Variants in SWT1 observed in about 807,000 individuals in gnomAD.
SWT1 encodes the protein transcriptional protein SWT1.
SWT1 carries 33 observed loss-of-function variants against 107.3 expected under a neutral mutation model. That is an observed-to-expected ratio of 0.31 (90% CI 0.23 to 0.41). The LOEUF (loss-of-function observed/expected upper bound fraction) is 0.41, where lower values mean the gene tolerates loss of function less well. Ranked by LOEUF, SWT1 falls within the 10% of genes least tolerant of loss-of-function variation. The pLI is 1.00. For missense variants in SWT1, 898 were observed against 1,028.9 expected (o/e 0.87, Z 1.74); for synonymous variants, 345 against 348.3 (o/e 0.99, Z 0.11).
chr1:185,276,756 G>T lies in SWT1; in HGVS notation c.2573+88G>T, dbSNP rs1664267146. 5 of 598,760 alleles carry T rather than the reference G, an allele frequency of 8.4e-6. No individual in the cohort carries two copies. The East Asian group carries it at 1.6e-4, about 19-fold the overall frequency. 37.1% of individuals were successfully genotyped at this position (598,760 alleles called of 1,614,324 possible). A position where few individuals can be genotyped will look rare whatever the true frequency, so the allele number is the denominator to read the frequency against. ...TTGGTGGTGGTGGTGGTGGTGATGT[G>T]TTTTTTCATTGTCTTTTCACTACAC... On this transcript the variant is annotated intron_variant, in intron 18 of 18. Coordinates refer to ENST00000367500, the MANE Select transcript of SWT1 (RefSeq NM_017673.7).
At chr1:185,271,466 T>C in intron 17 of SWT1, 77 bp downstream of exon 17, 1 of 743,950 alleles carries the variant, frequency 1.3e-6, no homozygotes, top group East Asian at 2.7e-5. Flanking sequence ...GAGTAGGAGT[T>C]CTCAAACATA....
chr1:185,196,813 T>G (rs940290722), intron 10 of SWT1, among the ~76,000 whole-genome samples: 1 of 152,236 alleles, frequency 6.6e-6, no homozygotes. Flanking sequence ...TAGGAATGCT[T>G]GTGATTTTTG....
At chr1:185,246,022 C>T (rs1661581811) in intron 16 of SWT1, among the ~76,000 whole-genome samples, 1 of 152,104 alleles carries the variant, frequency 6.6e-6, no homozygotes. Context: ...CCCACCTCGG[C>T]CTCCCAAAGT....
intron 16 of SWT1, among the ~76,000 whole-genome samples, chr1:185,244,657 G>A (rs1661478303): frequency 1.3e-5 from 2 of 152,010 alleles, no homozygotes; most frequent in South Asian, 4.2e-4. Context: ...GTACACTTAG[G>A]CTCCACTCAA....
At chr1:185,218,717 G>C (rs557882727) in intron 14 of SWT1, among the ~76,000 whole-genome samples, 1 of 152,148 alleles carries the variant, frequency 6.6e-6, no homozygotes, top group Non-Finnish European at 1.5e-5. Flanking sequence ...TTTTTGCTAA[G>C]ATGATAGAGT....
At chr1:185,287,057 A>C (rs1031487095) in intron 18 of SWT1, among the ~76,000 whole-genome samples, 1 of 152,188 alleles carries the variant, frequency 6.6e-6, no homozygotes, top group African/African-American at 2.4e-5. Context: ...GCAATAGAAA[A>C]TTCAGAAAAA....
rs146055590 is a variant in SWT1 at position 185,173,379 on chromosome 1, T to C, written c.225-993T>C. ...ATCCTTTGTTATTTCTCCCACTGTT[T>C]TTAAGTTTGGGAAGTTCTCTATTAA... On this transcript the variant is annotated intron_variant, in intron 4 of 18. Transcript: ENST00000367500. Among the ~76,000 whole-genome samples the C allele has an allele frequency of 4.6e-3, 704 of 152,032 alleles. 14 individuals are homozygous for C. Among genetic ancestry groups the C allele is most frequent in the Admixed American group, 0.035 (529 of 15,240 alleles).
At chr1:185,267,459 A>G (rs2102716377) in intron 16 of SWT1, among the ~76,000 whole-genome samples, 1 of 152,328 alleles carries the variant, frequency 6.6e-6, no homozygotes, top group South Asian at 2.1e-4. Flanking sequence ...GTTGTTATTG[A>G]TGCTGTCATA....
chr1:185,214,459 T>A (rs1260220737), intron 13 of SWT1, 48 bp from the exon 14 acceptor site: 1 of 1,443,630 alleles, frequency 6.9e-7, no homozygotes. Context: ...ATTTTTATGA[T>A]GTATACTCAT....
intron 10 of SWT1, 142 bp downstream of exon 10, chr1:185,190,784 GAC>G: frequency 1.8e-6 from 1 of 546,320 alleles, no homozygotes; most frequent in Non-Finnish European, 3.3e-6. Context: ...ACTTGTATCT[GAC>G]AGTCTTATAA....
At chr1:185,234,444 TTTTC>T (rs1171066729) in intron 16 of SWT1, among the ~76,000 whole-genome samples, 18 of 152,230 alleles carry the variant, frequency 1.2e-4, no homozygotes, top group South Asian at 2.1e-4. Context: ...CCCTGCTTTT[TTTTC>T]TTTCTATTTG....
intron 18 of SWT1, chr1:185,281,255 T>G: frequency 4.7e-6 from 1 of 213,248 alleles, no homozygotes; most frequent in Non-Finnish European, 9.5e-6. Context: ...CCCAAGGACC[T>G]GAGCCTGCCC....
intron 10 of SWT1, among the ~76,000 whole-genome samples, chr1:185,199,835 G>A (rs1451827119): frequency 6.6e-6 from 1 of 152,164 alleles, no homozygotes; most frequent in Non-Finnish European, 1.5e-5. Flanking sequence ...ATCCTGAAGA[G>A]TGTTTTCCAA....
At chr1:185,221,324 C>T (rs1286523891) in intron 14 of SWT1, among the ~76,000 whole-genome samples, 1 of 152,132 alleles carries the variant, frequency 6.6e-6, no homozygotes, top group Non-Finnish European at 1.5e-5. Context: ...GTTTTCTTGC[C>T]TCCGCTTTCT....
At chr1:185,275,292 C>T (rs1166858741) in intron 17 of SWT1, among the ~76,000 whole-genome samples, 1 of 151,616 alleles carries the variant, frequency 6.6e-6, no homozygotes, top group East Asian at 1.9e-4. Context: ...ATCAACAGCC[C>T]TTAGGAGAAG....
intron 4 of SWT1, chr1:185,171,633 T>C (rs776998861): frequency 3.4e-5 from 18 of 528,666 alleles, no homozygotes; most frequent in Admixed American, 5.9e-5. Flanking sequence ...ATGGGGTGGG[T>C]GCAATCAAGA....
intron 7 of SWT1, among the ~76,000 whole-genome samples, chr1:185,183,341 C>A (rs1192480281): frequency 6.6e-6 from 1 of 151,944 alleles, no homozygotes; most frequent in Non-Finnish European, 1.5e-5. Flanking sequence ...GTCATCCAGG[C>A]TGGAATTGGA....
chr1:185,224,543 A>G (rs1659909924), intron 15 of SWT1, among the ~76,000 whole-genome samples: 1 of 152,106 alleles, frequency 6.6e-6, no homozygotes, highest in South Asian at 2.1e-4. Context: ...TAGAGATTGC[A>G]TTAAATCTGT....
At position 185,216,311 on chromosome 1, in the gene SWT1, A is replaced by G. The variant is rs1571528338; in HGVS notation, c.2121+1656A>G. Among the ~76,000 whole-genome samples the G allele has an allele frequency of 5.3e-5, 8 of 152,290 alleles. No homozygotes were observed. In the South Asian group the frequency reaches 1.7e-3, roughly 32 times the overall value. ...TAGGAAAAAATGGGCCTAGGGATTT[A>G]GAGGGTTATAGCATGAGTATTGTAC... On this transcript the variant is annotated intron_variant, in intron 14 of 18. Transcript: ENST00000367500.
Sources: allele counts gnomAD v4.1 joint callset (sites outside exome capture counted in the v4.1 genomes callset), GRCh38; gene constraint gnomAD v4.1.1; transcripts MANE v1.5; gene names NCBI Gene and HGNC (gene_info 2026-07-23, HGNC 2026-07-21).